The following VPS13B variants were observed in gnomAD, a reference collection of about 807,000 sequenced individuals.
VPS13B encodes the protein intermembrane lipid transfer protein VPS13B.
VPS13B carries 285 observed loss-of-function variants against 426.4 expected under a neutral mutation model. The observed-to-expected ratio is 0.67, with a 90% CI of 0.61 to 0.74. The LOEUF is 0.74. Among genes scored for constraint, VPS13B ranks in the 30% least tolerant of loss-of-function variants. The pLI is 0.00. For missense variants in VPS13B, 4,537 were observed against 4,782.6 expected (o/e 0.95, Z 1.51); for synonymous variants, 1,676 against 1,676.4 (o/e 1.00, Z 0.01).
intron 19 of VPS13B, among the ~76,000 whole-genome samples, chr8:99,379,571 C>T (rs1293237900): frequency 1.3e-5 from 2 of 152,154 alleles, no homozygotes; most frequent in African/African-American, 4.8e-5. Flanking sequence ...CTCCAACCTT[C>T]ATCACATGTT....
intron 27 of VPS13B, 65 bp from the exon 28 acceptor site, chr8:99,507,072 G>A: frequency 1.3e-6 from 2 of 1,547,698 alleles, no homozygotes; most frequent in African/African-American, 2.7e-5. Flanking sequence ...AAATAGTTAT[G>A]TATGTTCAAT....
At position 99,832,611 on chromosome 8, in the gene VPS13B, A is replaced by T; in HGVS notation, c.9573A>T (p.Ala3191=). Reference sequence around the variant, plus strand: ...CAGAGTTTCCCAGACAGAGTGTGGCAGTACCCCTCGGGAATTTCCGGGAAA... The same window carrying T: ...CAGAGTTTCCCAGACAGAGTGTGGCTGTACCCCTCGGGAATTTCCGGGAAA... The part of the protein sequence containing the change: ...VRPEFPRQSV[A]VPLGNFRENG... The change falls in exon 52 of 62, where the codon GCA becomes GCT. Residue 3191 remains alanine, a synonymous_variant. Transcript: ENST00000357162. 6.2e-7 allele frequency: 1 copy of T among 1,613,940 alleles called. No homozygotes were observed. Among genetic ancestry groups the T allele is most frequent in the East Asian group, 2.2e-5 (1 of 44,872 alleles).
chr8:99,790,766 C>T (rs1438335466), intron 43 of VPS13B, among the ~76,000 whole-genome samples: 2 of 152,056 alleles, frequency 1.3e-5, no homozygotes, highest in African/African-American at 4.8e-5. Flanking sequence ...TTAGCTAGGC[C>T]AGTGAAGTGA....
At chr8:99,135,905 GCA>G (rs1372737998) in intron 11 of VPS13B, among the ~76,000 whole-genome samples, 172 bp downstream of exon 11, 4 of 152,000 alleles carry the variant, frequency 2.6e-5, no homozygotes, top group African/African-American at 4.8e-5. Context: ...TTTGAGGAGT[GCA>G]CAGAGATCTT....
chr8:99,476,522 A>G (rs959110995), intron 24 of VPS13B, among the ~76,000 whole-genome samples: 2 of 152,082 alleles, frequency 1.3e-5, no homozygotes, highest in African/African-American at 4.8e-5. Context: ...TACATACCTC[A>G]TAATCCAACT....
intron 31 of VPS13B, among the ~76,000 whole-genome samples, chr8:99,569,057 C>T (rs1000233482): frequency 6.6e-6 from 1 of 151,358 alleles, no homozygotes; most frequent in African/African-American, 2.4e-5. Flanking sequence ...CTCCTGACCT[C>T]GTGATCCGCC....
At position 99,779,001 on chromosome 8, in the gene VPS13B, A is replaced by G; in HGVS notation, c.7749A>G (p.Ser2583=). The G allele has an allele frequency of 1.9e-6, 3 of 1,613,724 alleles. No homozygotes were observed. The highest frequency in any genetic ancestry group is 2.5e-6 in the Non-Finnish European group (3 of 1,179,830). The change falls in exon 42 of 62, where the codon TCA becomes TCG. Residue 2583 remains serine, a synonymous_variant. Coordinates refer to ENST00000357162, the MANE Select transcript of VPS13B (RefSeq NM_152564.5). The part of the protein sequence containing the change: ...FVNLGQHVVH[S]LNTAIQAWQQ... ...ACCTTGGACAGCATGTAGTCCATTC[A>G]CTAAACACTGCAATACAAGCTTGGC...
intron 36 of VPS13B, among the ~76,000 whole-genome samples, chr8:99,706,150 C>T (rs897147313): frequency 1.6e-4 from 24 of 152,150 alleles, no homozygotes; most frequent in African/African-American, 5.1e-4. Flanking sequence ...GCTGTACCCC[C>T]ACTTATAACC....
intron 15 of VPS13B, among the ~76,000 whole-genome samples, chr8:99,166,177 C>G (rs1028169910): frequency 2.6e-5 from 4 of 152,122 alleles, no homozygotes; most frequent in Non-Finnish European, 5.9e-5. Context: ...GACGGGACTT[C>G]ACTATGTTGG....
Position 99,782,704 on chromosome 8 carries a change from G to C in VPS13B, c.7780-1611G>C, listed in dbSNP as rs532017624. On this transcript the variant is annotated intron_variant, in intron 42 of 61. Coordinates refer to ENST00000357162, the MANE Select transcript of VPS13B (RefSeq NM_152564.5). Reference sequence around the variant, plus strand: ...GGCTAGTGGAGCTGGAGTGTCCTGAGCAAATGCCCTCAGCAAATGGAGAGT... The same window carrying C: ...GGCTAGTGGAGCTGGAGTGTCCTGACCAAATGCCCTCAGCAAATGGAGAGT... 1.4e-3 allele frequency among the ~76,000 whole-genome samples: 211 copies of C among 152,168 alleles called. 1 individual carries two copies. Among genetic ancestry groups the C allele is most frequent in the Non-Finnish European group, 1.4e-3 (97 of 68,006 alleles).
At chr8:99,745,064 G>A (rs2130504272) in intron 39 of VPS13B, among the ~76,000 whole-genome samples, 1 of 151,080 alleles carries the variant, frequency 6.6e-6, no homozygotes, top group South Asian at 2.1e-4. Flanking sequence ...GGCCCTTTTT[G>A]TTTTAGCTTT....
At chr8:99,579,937 A>T (rs1588514443) in intron 33 of VPS13B, among the ~76,000 whole-genome samples, 2 of 152,154 alleles carry the variant, frequency 1.3e-5, no homozygotes, top group African/African-American at 4.8e-5. Context: ...ACCTCAGGTG[A>T]TCTGGCCCCC....
rs889348602 is a variant in VPS13B at position 99,481,732 on chromosome 8, G to A, written c.3800G>A (p.Ser1267Asn). 1 of 1,613,846 alleles carries A rather than the reference G, an allele frequency of 6.2e-7. No individual in the cohort carries two copies. Among genetic ancestry groups the A allele is most frequent in the African/African-American group, 1.3e-5 (1 of 74,902 alleles). Reference sequence around the variant, plus strand: ...CCTGTTCCTACTTCTCCAGTTAGAAGCAGTATAGGCACAGCTCCTCCAGAT... The same window carrying A: ...CCTGTTCCTACTTCTCCAGTTAGAAACAGTATAGGCACAGCTCCTCCAGAT... ...AGPVPTSPVR[S>N]SIGTAPPDTS... Residue 1267 changes from serine to asparagine, a missense_variant, in exon 25 of 62, where the codon AGC becomes AAC. By Grantham distance (46) the Ser-to-Asn change is conservative. Coordinates refer to ENST00000357162, the MANE Select transcript of VPS13B (RefSeq NM_152564.5).
At chr8:99,595,687 C>G (rs972284679) in intron 33 of VPS13B, among the ~76,000 whole-genome samples, 1 of 151,690 alleles carries the variant, frequency 6.6e-6, no homozygotes, top group African/African-American at 2.4e-5. Flanking sequence ...GAAAAGACAA[C>G]CCATAGAATC....
At chr8:99,660,548 T>G (rs1262974646) in intron 34 of VPS13B, among the ~76,000 whole-genome samples, 1 of 152,126 alleles carries the variant, frequency 6.6e-6, no homozygotes, top group Non-Finnish European at 1.5e-5. Context: ...TTAGAAGTTT[T>G]TTAAAGCCTA....
chr8:99,077,236 G>C (rs1019793530), intron 3 of VPS13B, among the ~76,000 whole-genome samples: 3 of 151,826 alleles, frequency 2.0e-5, no homozygotes, highest in African/African-American at 7.3e-5. Context: ...GCAATGGCGC[G>C]ATCTCAGCTC....
chr8:99,017,498 TTATTTTTA>T (rs1233468251), intron 2 of VPS13B, among the ~76,000 whole-genome samples: 1 of 151,312 alleles, frequency 6.6e-6, no homozygotes, highest in African/African-American at 2.5e-5. Flanking sequence ...TTTTATTTTT[TTATTTTTA>T]TTTTTTGAGA....
At chr8:99,296,292 T>C (rs1043293152) in intron 19 of VPS13B, among the ~76,000 whole-genome samples, 1 of 152,174 alleles carries the variant, frequency 6.6e-6, no homozygotes, top group Non-Finnish European at 1.5e-5. Flanking sequence ...AGAGCATTTA[T>C]TGTTCTAGAA....
intron 17 of VPS13B, among the ~76,000 whole-genome samples, chr8:99,235,448 A>G (rs1816585512): frequency 6.6e-6 from 1 of 152,206 alleles, no homozygotes; most frequent in Non-Finnish European, 1.5e-5. Flanking sequence ...TATGGAAAGT[A>G]GTAAAATCTG....
Sources: allele counts gnomAD v4.1 joint callset (sites outside exome capture counted in the v4.1 genomes callset), GRCh38; gene constraint gnomAD v4.1.1; transcripts MANE v1.5; gene names NCBI Gene and HGNC (gene_info 2026-07-23, HGNC 2026-07-21).